The following BCAS2 variants were observed in gnomAD, a reference collection of about 807,000 sequenced individuals.
The protein encoded by BCAS2 is pre-mRNA-splicing factor SPF27.
BCAS2 carries 34 observed loss-of-function variants against 35.3 expected under a neutral mutation model. The observed-to-expected ratio is 0.96, with a 90% confidence interval of 0.73 to 1.28. BCAS2 has a LOEUF of 1.28. Ranked by LOEUF, BCAS2 falls within the 50% of genes most tolerant of loss-of-function variation. The pLI is 0.00. For missense variants in BCAS2, 221 were observed against 268.1 expected (o/e 0.82, Z 1.23); for synonymous variants, 75 against 91.6 (o/e 0.82, Z 1.03).
At chr1:114,580,648 A>T (rs1458186040) in intron 2 of BCAS2, among the ~76,000 whole-genome samples, 2 of 152,198 alleles carry the variant, frequency 1.3e-5, no homozygotes, top group East Asian at 3.8e-4. Context: ...TTTGTCTTAA[A>T]TAAAGAAAAG....
chr1:114,575,016 C>T (rs757143756), intron 4 of BCAS2, among the ~76,000 whole-genome samples: 3 of 150,714 alleles, frequency 2.0e-5, no homozygotes, highest in South Asian at 2.1e-4. Flanking sequence ...ACTACAGAAG[C>T]GCCACCATGG....
At chr1:114,571,513 T>C (rs1411636539) in intron 4 of BCAS2, among the ~76,000 whole-genome samples, 3 of 152,054 alleles carry the variant, frequency 2.0e-5, no homozygotes, top group African/African-American at 7.2e-5. Flanking sequence ...TAAGCCACCA[T>C]GCCCGGCTAA....
At chr1:114,578,808 G>T (rs537853842) in intron 2 of BCAS2, among the ~76,000 whole-genome samples, 1 of 152,344 alleles carries the variant, frequency 6.6e-6, no homozygotes, top group Non-Finnish European at 1.5e-5. Context: ...ATGAATTAAT[G>T]AAAGAGTAAT....
In BCAS2 at chr1:114,581,487, C is replaced by A. The variant is rs528380634; in HGVS notation, c.93+12G>T. On this transcript the variant is annotated intron_variant, in intron 1 of 6. Coordinates refer to ENST00000369541, the MANE Select transcript of BCAS2 (RefSeq NM_005872.3). ...TAGCAGTGAGTCAGCTACAAAGACA[C>A]CCCGCACTCACCGCTTCCCGCACAC... The A allele has an allele frequency of 1.2e-6, 2 of 1,614,132 alleles. No individual in the cohort carries two copies. Among genetic ancestry groups the A allele is most frequent in the East Asian group, 4.5e-5 (2 of 44,880 alleles).
chr1:114,572,574 A>G (rs951498699), intron 4 of BCAS2, among the ~76,000 whole-genome samples: 5 of 152,246 alleles, frequency 3.3e-5, no homozygotes, highest in African/African-American at 1.2e-4. Context: ...GATGTGCACA[A>G]TAATTCTGTG....
At chr1:114,575,822 T>C (rs2101629217) in intron 3 of BCAS2, 71 bp from the exon 4 acceptor site, 2 of 1,522,098 alleles carry the variant, frequency 1.3e-6, no homozygotes, top group Non-Finnish European at 1.8e-6. Flanking sequence ...CTCAGTAGAA[T>C]GTCCCATGAG....
chr1:114,575,575 GA>G lies in BCAS2; in HGVS notation c.419+14del. ...AAAAACAAAAAAAACAGAAGATGAA[GA>G]AAAAGGTTCTTACTCATTGTATACT... On this transcript the variant is annotated intron_variant, in intron 4 of 6. Transcript: ENST00000369541. The G allele has an allele frequency of 6.4e-7, 1 of 1,565,398 alleles. No homozygotes were observed. The highest frequency in any genetic ancestry group is 8.6e-7 in the Non-Finnish European group (1 of 1,163,528).
In BCAS2 at chr1:114,577,380, T is replaced by TA. The variant is rs200180932; in HGVS notation, c.187-623_187-622insT. ...GAAATAATTTATTTATTTATTTATT[T>TA]TTTTTTTGTGAGACGAAGTCTCGCT... On this transcript the variant is annotated intron_variant, in intron 2 of 6. Coordinates refer to ENST00000369541, the MANE Select transcript of BCAS2 (RefSeq NM_005872.3). 7.7e-3 allele frequency among the ~76,000 whole-genome samples: 1,176 copies of TA among 152,146 alleles called. 11 individuals carry two copies. The highest frequency in any genetic ancestry group is 0.011 in the Non-Finnish European group (780 of 67,928).
At chr1:114,579,338 A>G (rs1172764963) in intron 2 of BCAS2, among the ~76,000 whole-genome samples, 1 of 152,176 alleles carries the variant, frequency 6.6e-6, no homozygotes, top group Non-Finnish European at 1.5e-5. Flanking sequence ...GGAGTTTACT[A>G]ATTAAATCAT....
At chr1:114,570,607 TGGCTGCA>T in intron 5 of BCAS2, 86 bp downstream of exon 5, 4 of 869,486 alleles carry the variant, frequency 4.6e-6, no homozygotes, top group Non-Finnish European at 7.2e-6. Flanking sequence ...TACTTTCATC[TGGCTGCA>T]GTCTCTTTGC....
intron 6 of BCAS2, among the ~76,000 whole-genome samples, 157 bp downstream of exon 6, chr1:114,569,835 C>T (rs550788745): frequency 6.6e-6 from 1 of 152,232 alleles, no homozygotes; most frequent in East Asian, 1.9e-4. Flanking sequence ...CTCTTTAACA[C>T]CTTATAAAGA....
rs1043983254 is a variant in BCAS2, at chr1:114,573,065, C to A, written c.420-2315G>T. ...GTTGCAGTGAGCTGAGATTGTGGCA[C>A]TGCAATCTAGCTTGGGCGACAGAGC... On this transcript the variant is annotated intron_variant, in intron 4 of 6. Transcript: ENST00000369541. Among the ~76,000 whole-genome samples the A allele has an allele frequency of 2.9e-5, 4 of 138,438 alleles. No homozygotes were observed. The South Asian group carries it at 9.6e-4, about 33-fold the overall frequency. The allele number at this position is 138,438 out of a possible 152,430, so 90.8% of individuals were successfully genotyped here.
In BCAS2 at chr1:114,567,848, T is replaced by G; in HGVS notation, c.*282A>C. The G allele has an allele frequency of 3.9e-6, 1 of 257,874 alleles. No homozygotes were observed. Among genetic ancestry groups the G allele is most frequent in the Non-Finnish European group, 7.3e-6 (1 of 137,034 alleles). The allele number at this position is 257,874 out of a possible 1,614,324, so 16.0% of individuals were successfully genotyped here. ...CCTTGGATACAAAATATGGTCCACA[T>G]GGCTGAAAATTAATTCTATGACACA... On this transcript the variant is annotated 3_prime_UTR_variant, in exon 7 of 7. Transcript: ENST00000369541.
intron 6 of BCAS2, among the ~76,000 whole-genome samples, chr1:114,569,657 C>T (rs1050162446): frequency 1.3e-5 from 2 of 151,236 alleles, no homozygotes; most frequent in African/African-American, 4.9e-5. Flanking sequence ...CATGTGCCAC[C>T]GTGCCTATTT....
intron 2 of BCAS2, 108 bp downstream of exon 2, chr1:114,581,191 T>C: frequency 9.3e-7 from 1 of 1,077,894 alleles, no homozygotes; most frequent in Non-Finnish European, 1.4e-6. Context: ...ATACAGTAGG[T>C]AAGTAGTAGC....
In BCAS2 at chr1:114,581,508, C is replaced by T. The variant is rs778776282; in HGVS notation, c.84G>A (p.Val28=). 3 of 1,614,182 alleles carry T rather than the reference C, an allele frequency of 1.9e-6. No individual in the cohort carries two copies. The highest frequency in any genetic ancestry group is 1.1e-5 in the South Asian group (1 of 91,080). ...YFDQGYEAPG[V]REAAAALVEE... ...GACACCCCGCACTCACCGCTTCCCGCACACCAGGGGCTTCATAACCTTGAT... is the reference window on the plus strand; with the variant it reads ...GACACCCCGCACTCACCGCTTCCCGTACACCAGGGGCTTCATAACCTTGAT... The change falls in exon 1 of 7, where the codon GTG becomes GTA. Residue 28 remains valine, a synonymous_variant. Coordinates refer to ENST00000369541, the MANE Select transcript of BCAS2 (RefSeq NM_005872.3).
At chr1:114,571,417 T>C (rs952975626) in intron 4 of BCAS2, among the ~76,000 whole-genome samples, 5 of 152,118 alleles carry the variant, frequency 3.3e-5, no homozygotes, top group African/African-American at 1.2e-4. Flanking sequence ...AGCTGGAGTG[T>C]AGTGGTGCAA....
intron 2 of BCAS2, among the ~76,000 whole-genome samples, chr1:114,578,788 T>C (rs138935536): frequency 1.3e-5 from 2 of 152,336 alleles, no homozygotes; most frequent in East Asian, 1.9e-4. Context: ...CCTTCGTAAA[T>C]AGTTGTTAAA....
intron 4 of BCAS2, among the ~76,000 whole-genome samples, chr1:114,571,312 C>T (rs544883822): frequency 1.2e-4 from 19 of 152,080 alleles, no homozygotes; most frequent in Admixed American, 3.9e-4. Context: ...CCATCTGCCT[C>T]GGCCTCCCAA....
Sources: gnomAD v4.1 joint callset for allele counts (sites outside exome capture counted in the v4.1 genomes callset) on GRCh38, gnomAD v4.1.1 for gene constraint, MANE v1.5 for transcripts, NCBI Gene and HGNC (gene_info 2026-07-23, HGNC 2026-07-21) for gene names.